ADH5: variants seen among roughly 807,000 people sequenced by gnomAD.
ADH5 encodes alcohol dehydrogenase class-3.
ADH5 carries 32 observed loss-of-function variants against 40.3 expected under a neutral mutation model. The ratio of observed to expected loss-of-function variants is 0.79; its 90% CI spans 0.60 to 1.07. ADH5 has a LOEUF of 1.07. ADH5 is among the 50% of genes least tolerant of loss of function. ADH5 has a pLI of 0.00. For missense variants in ADH5, 353 were observed against 460.5 expected (o/e 0.77, Z 2.14); for synonymous variants, 125 against 154.3 (o/e 0.81, Z 1.41).
chr4:99,083,271 T>C (rs1728063416), intron 2 of ADH5, among the ~76,000 whole-genome samples: 1 of 152,076 alleles, frequency 6.6e-6, no homozygotes, highest in Non-Finnish European at 1.5e-5. Context: ...ATTATATGAT[T>C]TCAAATTCCT....
chr4:99,081,328 C>T, intron 4 of ADH5, 37 bp downstream of exon 4: 1 of 1,307,094 alleles, frequency 7.7e-7, no homozygotes, highest in Non-Finnish European at 1.1e-6. Context: ...TATCCCGCAG[C>T]ACTTGTGTTT....
Position 99,072,238 on chromosome 4 carries a change from G to A in ADH5, c.*179C>T, listed in dbSNP as rs1032563927. On this transcript the variant is annotated 3_prime_UTR_variant, in exon 9 of 9. Coordinates refer to ENST00000296412, the MANE Select transcript of ADH5 (RefSeq NM_000671.4). The stretch of plus-strand genomic sequence containing the variant: ...ATGTGGAGGAGCATCCAGAAAACAG[G>A]TTCATGACTGAATTATCCTTGTCCT... 23 of 505,932 alleles carry A rather than the reference G, an allele frequency of 4.5e-5. No individual in the cohort carries two copies. The highest frequency in any genetic ancestry group is 7.7e-5 in the Non-Finnish European group (22 of 284,096). The allele number at this position is 505,932 out of a possible 1,614,324, so 31.3% of individuals were successfully genotyped here.
chr4:99,081,788 A>AG (rs369299491), intron 3 of ADH5, 187 bp downstream of exon 3: 1 of 719,678 alleles, frequency 1.4e-6, no homozygotes, highest in Admixed American at 3.2e-5. Context: ...CAAAAACAGT[A>AG]GTCTGCAAAA....
intron 4 of ADH5, among the ~76,000 whole-genome samples, chr4:99,077,924 T>C (rs1264504184): frequency 6.6e-6 from 1 of 152,258 alleles, no homozygotes; most frequent in African/African-American, 2.4e-5. Context: ...TATGCCTTCA[T>C]TTTCTCACTA....
chr4:99,072,990 T>G (rs563043784), intron 7 of ADH5, among the ~76,000 whole-genome samples: 3 of 152,186 alleles, frequency 2.0e-5, no homozygotes, highest in Non-Finnish European at 4.4e-5. Flanking sequence ...ACTCTGGAAG[T>G]CTCAACAACA....
chr4:99,081,687 T>C, intron 3 of ADH5: 1 of 556,988 alleles, frequency 1.8e-6, no homozygotes, highest in East Asian at 2.9e-5. Context: ...TGAAGTTATA[T>C]GCTTCAAAAT....
intron 1 of ADH5, 68 bp downstream of exon 1, chr4:99,088,621 T>C (rs1579368860): frequency 2.0e-6 from 3 of 1,464,740 alleles, no homozygotes; most frequent in South Asian, 2.8e-5. Context: ...CCCCCGAGGA[T>C]AGCAGCCTAG....
chr4:99,083,616 A>G (rs1359655106), intron 2 of ADH5, among the ~76,000 whole-genome samples: 1 of 106,144 alleles, frequency 9.4e-6, no homozygotes, highest in Non-Finnish European at 1.7e-5. Flanking sequence ...AAAAAAAAAA[A>G]AAAAAAAAAA....
chr4:99,076,196 A>G (rs1727925329), intron 6 of ADH5, 96 bp downstream of exon 6: 1 of 1,322,498 alleles, frequency 7.6e-7, no homozygotes, highest in Non-Finnish European at 1.0e-6. Context: ...TTATTAAGAG[A>G]CTTTTCCTTT....
chr4:99,088,552 T>TG, intron 1 of ADH5, 137 bp downstream of exon 1: 3 of 872,040 alleles, frequency 3.4e-6, no homozygotes, highest in Admixed American at 3.0e-5. Context: ...AGCCGCTCGC[T>TG]GGGGGCCCAG....
In ADH5 at chr4:99,072,363, T is replaced by C; in HGVS notation, c.*54A>G. The stretch of plus-strand genomic sequence containing the variant: ...GGTTGGAGGCGCTTCTCCCTGCCTG[T>C]TAAGCTGCTCCTATCACATCACGAC... On this transcript the variant is annotated 3_prime_UTR_variant, in exon 9 of 9. Coordinates refer to ENST00000296412, the MANE Select transcript of ADH5 (RefSeq NM_000671.4). 1.3e-6 allele frequency: 2 copies of C among 1,585,546 alleles called. No homozygotes were observed. Among genetic ancestry groups the C allele is most frequent in the South Asian group, 2.2e-5 (2 of 89,160 alleles).
At chr4:99,081,339 T>C (rs1560755047) in intron 4 of ADH5, 26 bp downstream of exon 4, 2 of 1,435,884 alleles carry the variant, frequency 1.4e-6, no homozygotes, top group Admixed American at 3.8e-5. Flanking sequence ...ACTTGTGTTT[T>C]AAGAAGAACA....
chr4:99,079,531 G>A (rs1727988678), intron 4 of ADH5, among the ~76,000 whole-genome samples: 2 of 152,032 alleles, frequency 1.3e-5, no homozygotes, highest in Non-Finnish European at 2.9e-5. Flanking sequence ...TCTCTATCTT[G>A]ATCTGGGTGA....
At chr4:99,075,158 A>G in intron 6 of ADH5, 109 bp from the exon 7 acceptor site, 2 of 979,754 alleles carry the variant, frequency 2.0e-6, no homozygotes, top group Non-Finnish European at 2.9e-6. Flanking sequence ...AATGGCAACA[A>G]AAGGCCAAAC....
At position 99,072,684 on chromosome 4, in the gene ADH5, T is replaced by A; in HGVS notation, c.989A>T (p.Lys330Met). 6.2e-7 allele frequency: 1 copy of A among 1,612,456 alleles called. No homozygotes were observed. The highest frequency in any genetic ancestry group is 8.5e-7 in the Non-Finnish European group (1 of 1,179,460). The change falls in exon 8 of 9, where the codon AAG becomes ATG. Residue 330 changes from lysine (K) to methionine (M), a missense_variant. By Grantham distance (95) the Lys-to-Met change is moderately conservative. Coordinates refer to ENST00000296412, the MANE Select transcript of ADH5 (RefSeq NM_000671.4). ...GGWKSVESVP[K>M]LVSEYMSKKI... ...TTTGGACATATATTCAGACACCAAC[T>A]TTGGGACACTTTCTACACTCTTCCA...
rs1023253631 is a variant in ADH5 at position 99,081,591 on chromosome 4, T to C, written c.257-139A>G. ...GTCTTAGAACTTTACCTAGGTAACA[T>C]CATTCAGATACTGTCTGACCATGCA... On this transcript the variant is annotated intron_variant, in intron 3 of 8. Coordinates refer to ENST00000296412, the MANE Select transcript of ADH5 (RefSeq NM_000671.4). 6.2e-6 allele frequency: 4 copies of C among 642,620 alleles called. No homozygotes were observed. The Admixed American group carries it at 1.2e-4, about 19-fold the overall frequency. The allele number at this position is 642,620 out of a possible 1,614,324, so 39.8% of individuals were successfully genotyped here.
intron 7 of ADH5, 33 bp downstream of exon 7, chr4:99,074,876 CAAAAG>C: frequency 6.4e-7 from 1 of 1,550,416 alleles, no homozygotes; most frequent in Non-Finnish European, 8.7e-7. Flanking sequence ...ATGCAACTAA[CAAAAG>C]AGAAAATGCA....
chr4:99,079,920 G>A (rs1727997111), intron 4 of ADH5: 5 of 440,944 alleles, frequency 1.1e-5, no homozygotes, highest in African/African-American at 2.0e-5. Context: ...TGAAGAGAAT[G>A]GGTACAGAAA....
In ADH5 at chr4:99,072,627, T is replaced by C. The variant is rs771771363; in HGVS notation, c.1046A>G (p.Asn349Ser). ...TTTGTTGATTTCATCAAAAGACAGA[T>C]TGTGAGTCACAAATTCATCAACTTT... ...KIKVDEFVTH[N>S]LSFDEINKAF... Residue 349 changes from asparagine to serine, a missense_variant, in exon 8 of 9, where the codon AAT becomes AGT. Coordinates refer to ENST00000296412, the MANE Select transcript of ADH5 (RefSeq NM_000671.4). 9.9e-6 allele frequency: 16 copies of C among 1,613,816 alleles called. No individual in the cohort carries two copies. Among genetic ancestry groups the C allele is most frequent in the African/African-American group, 2.7e-5 (2 of 75,052 alleles).
Sources: gnomAD v4.1 joint callset for allele counts (sites outside exome capture counted in the v4.1 genomes callset) on GRCh38, gnomAD v4.1.1 for gene constraint, MANE v1.5 for transcripts, NCBI Gene and HGNC (gene_info 2026-07-23, HGNC 2026-07-21) for gene names.